Variants in KMT2C observed in about 807,000 individuals in gnomAD.
The protein encoded by KMT2C is lysine methyltransferase 2C, also known as histone-lysine N-methyltransferase 2C.
In KMT2C, 88 loss-of-function variants were observed where a neutral mutation model predicts 507.9. The ratio of observed to expected loss-of-function variants is 0.17; its 90% CI spans 0.15 to 0.21. KMT2C has a LOEUF of 0.21. Ranked by LOEUF, KMT2C falls within the 10% of genes least tolerant of loss-of-function variation. KMT2C has a pLI of 1.00. For missense variants in KMT2C, 4,954 were observed against 5,957.8 expected (o/e 0.83, Z 5.55); for synonymous variants, 2,049 against 2,080.8 (o/e 0.98, Z 0.42).
At chr7:152,226,310 A>G (rs1138664) in intron 18 of KMT2C, among the ~76,000 whole-genome samples, 20,638 of 141,174 alleles carry the variant, frequency 0.15, 3,642 homozygotes, top group African/African-American at 0.43. Flanking sequence ...TCAGCTCACT[A>G]AAACCTCCGC....
intron 2 of KMT2C, among the ~76,000 whole-genome samples, chr7:152,341,179 G>A (rs1273945481): frequency 6.6e-6 from 1 of 152,118 alleles, no homozygotes; most frequent in East Asian, 1.9e-4. Context: ...CAGCCCAGGT[G>A]TCACCTGAAT....
intron 1 of KMT2C, among the ~76,000 whole-genome samples, chr7:152,406,104 A>T (rs796837753): frequency 0.032 from 3,738 of 115,774 alleles, no homozygotes; most frequent in East Asian, 0.084. Context: ...TTTTTAAAAA[A>T]ATTCTAGGAA....
intron 1 of KMT2C, among the ~76,000 whole-genome samples, chr7:152,364,934 G>GACAGACACACACACACACAC (rs1554680382): frequency 2.2e-5 from 3 of 138,164 alleles, no homozygotes; most frequent in African/African-American, 8.2e-5. Flanking sequence ...GAAACAGACA[G>GACAGACACACACACACACAC]ACACACACAC....
At chr7:152,176,126 T>C (rs536146830) in intron 38 of KMT2C, 65 bp downstream of exon 38, 52 of 1,368,018 alleles carry the variant, frequency 3.8e-5, no homozygotes, top group African/African-American at 7.3e-5. Flanking sequence ...TAAAATCTTA[T>C]AAGCATATCG....
intron 52 of KMT2C, among the ~76,000 whole-genome samples, chr7:152,147,788 A>C (rs1357513640): frequency 1.3e-5 from 2 of 152,088 alleles, no homozygotes; most frequent in African/African-American, 4.8e-5. Context: ...TTATCTACAA[A>C]TCATTCTCGG....
intron 6 of KMT2C, among the ~76,000 whole-genome samples, chr7:152,286,109 C>G (rs1181551600): frequency 5.1e-4 from 76 of 149,800 alleles, no homozygotes; most frequent in South Asian, 5.0e-3. Context: ...AATAGTGTAT[C>G]TATTCTGAGG....
rs559397397 is a variant in KMT2C, at chr7:152,144,673, C to A, written c.14343+40G>T. On this transcript the variant is annotated intron_variant, in intron 55 of 58. Coordinates refer to ENST00000262189, the MANE Select transcript of KMT2C (RefSeq NM_170606.3). The surrounding 1 kb of genome is among the most constrained non-coding windows in gnomAD (Gnocchi z 4.4). ...AATAGCTTCAGATTGCTAGACTCCA[C>A]CCTGTCTCTCCACTTCCTGTACACA... is the stretch of plus-strand genomic sequence containing the variant. 6.3e-7 allele frequency: 1 copy of A among 1,583,536 alleles called. No homozygotes were observed. The highest frequency in any genetic ancestry group is 8.6e-7 in the Non-Finnish European group (1 of 1,157,092).
In KMT2C at chr7:152,435,762, C is replaced by A; in HGVS notation, c.25G>T (p.Val9Leu). Residue 9 changes from valine (V) to leucine (L), a missense_variant, in exon 1 of 59, where the codon GTG (valine) becomes TTG (leucine). By Grantham distance (32) the Val-to-Leu change is conservative (BLOSUM62 1). This residue lies in a region of KMT2C where 51 missense variants were observed against 43.5 expected (regional missense o/e 1.17). Coordinates refer to ENST00000262189, the MANE Select transcript of KMT2C (RefSeq NM_170606.3). The part of the protein sequence containing the change: MSSEEDKS[V>L]EQPQPPPPPP... ...GGTGGCGGCGGCTGCGGCTGCTCCA[C>A]GCTCTTGTCCTCCTCCGACGACATC... 1 of 1,477,636 alleles carries A rather than the reference C, an allele frequency of 6.8e-7. No homozygotes were observed. The highest frequency in any genetic ancestry group is 1.3e-5 in the South Asian group (1 of 78,486). The allele number at this position is 1,477,636 out of a possible 1,614,324, so 91.5% of individuals were successfully genotyped here. A position where few individuals can be genotyped will look rare whatever the true frequency, so the allele number is the denominator to read the frequency against.
At chr7:152,182,938 C>A in intron 35 of KMT2C, 36 bp downstream of exon 35, 1 of 1,484,198 alleles carries the variant, frequency 6.7e-7, no homozygotes, top group Non-Finnish European at 9.0e-7. Context: ...AACAAAAATG[C>A]AACTTCAAAA....
chr7:152,288,229 T>TA (rs36047379), intron 6 of KMT2C, among the ~76,000 whole-genome samples: 2,188 of 121,110 alleles, frequency 0.018, 20 homozygotes, highest in Admixed American at 0.026. Flanking sequence ...TGAACTGATT[T>TA]AAAAAAAAAA....
intron 57 of KMT2C, 121 bp downstream of exon 57, chr7:152,139,065 C>T (rs2090208965): frequency 1.9e-6 from 2 of 1,044,154 alleles, no homozygotes; most frequent in African/African-American, 1.6e-5. Context: ...AACTCATTTG[C>T]TCTGAATGTT....
chr7:152,313,588 G>A (rs1162243378), intron 4 of KMT2C, among the ~76,000 whole-genome samples: 1 of 152,020 alleles, frequency 6.6e-6, no homozygotes, highest in East Asian at 1.9e-4. Context: ...TAGTGAAAAT[G>A]AGCAAAGACA....
rs540905282 is a variant in KMT2C at position 152,243,602 on chromosome 7, C to T, written c.2532+4300G>A. The stretch of plus-strand genomic sequence containing the variant: ...TTCGAGACCAGCCTAACCAATATGG[C>T]GAAACACCGTCTCTACTAAAAATAT... On this transcript the variant is annotated intron_variant, in intron 14 of 58. Transcript: ENST00000262189. Among the ~76,000 whole-genome samples the T allele has an allele frequency of 1.8e-4, 27 of 151,964 alleles. No individual in the cohort carries two copies. In the South Asian group the frequency reaches 4.0e-3, roughly 22 times the overall value.
intron 27 of KMT2C, 118 bp from the exon 28 acceptor site, chr7:152,196,129 A>AG (rs1419353627): frequency 4.3e-6 from 2 of 466,702 alleles, no homozygotes; most frequent in Non-Finnish European, 7.6e-6. Flanking sequence ...TAAAAACCTG[A>AG]GACTCTTAAT....
intron 6 of KMT2C, among the ~76,000 whole-genome samples, chr7:152,294,129 CA>C (rs1456871361): frequency 8.5e-5 from 13 of 152,098 alleles, no homozygotes; most frequent in African/African-American, 2.7e-4. Context: ...CTCAGCCTCC[CA>C]AAGTGCTGGG....
In KMT2C at chr7:152,415,220, G is replaced by A. The variant is rs548355062; in HGVS notation, c.161+20406C>T. ...ACAGCAATATCATGATTAAAATTTT[G>A]TTCCTCCTCCCAGTACTGTGTTCTA... On this transcript the variant is annotated intron_variant, in intron 1 of 58. Transcript: ENST00000262189. 2.6e-5 allele frequency among the ~76,000 whole-genome samples: 4 copies of A among 152,184 alleles called. No individual in the cohort carries two copies. The South Asian group carries it at 8.3e-4, about 32-fold the overall frequency.
intron 2 of KMT2C, among the ~76,000 whole-genome samples, chr7:152,356,022 A>T (rs1024799352): frequency 6.6e-6 from 1 of 152,094 alleles, no homozygotes; most frequent in Non-Finnish European, 1.5e-5. Context: ...ATGAGAGGGG[A>T]CACAATGGAA....
In KMT2C at chr7:152,336,748, T is replaced by G. The variant is rs146952256; in HGVS notation, c.251-6009A>C. Among the ~76,000 whole-genome samples, 81 of 152,306 alleles carry G rather than the reference T, an allele frequency of 5.3e-4. No individual in the cohort carries two copies. In the East Asian group the frequency reaches 0.015, roughly 28 times the overall value. ...GGAGCAGACATTTAAAAAATTACAT[T>G]GCATTTTTAAAAATTCAGTGTGGTA... On this transcript the variant is annotated intron_variant, in intron 2 of 58. Transcript: ENST00000262189.
intron 9 of KMT2C, among the ~76,000 whole-genome samples, chr7:152,262,703 A>G (rs536369153): frequency 6.6e-6 from 1 of 152,376 alleles, no homozygotes; most frequent in South Asian, 2.1e-4. Flanking sequence ...ACGAGTATAT[A>G]GTATATGAAG....
Sources: allele counts gnomAD v4.1 joint callset (sites outside exome capture counted in the v4.1 genomes callset), GRCh38; gene constraint gnomAD v4.1.1; regional missense constraint gnomAD v4.1.1; non-coding constraint Gnocchi (gnomAD v3.1); transcripts MANE v1.5; gene names NCBI Gene and HGNC (gene_info 2026-07-23, HGNC 2026-07-21).